DPYSL5: variants seen among roughly 807,000 people sequenced by gnomAD.
The protein encoded by DPYSL5 is dihydropyrimidinase-related protein 5.
DPYSL5 carries 9 observed loss-of-function variants against 58.4 expected under a neutral mutation model. That is an observed-to-expected ratio of 0.15 (90% CI 0.09 to 0.27). The LOEUF is 0.27. Ranked by LOEUF, DPYSL5 falls within the 10% of genes least tolerant of loss-of-function variation. DPYSL5 has a pLI of 1.00. For missense variants in DPYSL5, 499 were observed against 770.6 expected (o/e 0.65, Z 4.17); for synonymous variants, 293 against 301.9 (o/e 0.97, Z 0.31).
intron 1 of DPYSL5, among the ~76,000 whole-genome samples, chr2:26,868,248 G>A (rs1474440700): frequency 4.6e-5 from 7 of 151,980 alleles, no homozygotes; most frequent in Non-Finnish European, 8.8e-5. Context: ...TGTCATATGC[G>A]CTGCACATGT....
At chr2:26,943,076 A>T (rs1268052883) in intron 11 of DPYSL5, among the ~76,000 whole-genome samples, 3 of 152,082 alleles carry the variant, frequency 2.0e-5, no homozygotes, top group South Asian at 2.1e-4. Flanking sequence ...GGGGTGGAGG[A>T]GGTGCTGGGG....
At chr2:26,851,407 T>C (rs1249154023) in intron 1 of DPYSL5, among the ~76,000 whole-genome samples, 2 of 63,454 alleles carry the variant, frequency 3.2e-5, no homozygotes, top group Non-Finnish European at 6.1e-5. Context: ...TGCATTATTC[T>C]TAATGCTTCT....
intron 1 of DPYSL5, among the ~76,000 whole-genome samples, chr2:26,858,909 C>T (rs1665946488): frequency 6.6e-6 from 1 of 152,070 alleles, no homozygotes; most frequent in Admixed American, 6.6e-5. Context: ...ATCTAATACT[C>T]CAATATTTAA....
At chr2:26,923,270 G>A (rs1664747911) in intron 2 of DPYSL5, among the ~76,000 whole-genome samples, 1 of 152,204 alleles carries the variant, frequency 6.6e-6, no homozygotes, top group Admixed American at 6.5e-5. Flanking sequence ...GTTTGAGGCT[G>A]CAGTGTGCTA....
intron 2 of DPYSL5, among the ~76,000 whole-genome samples, chr2:26,907,887 A>G (rs1478988946): frequency 6.6e-6 from 1 of 152,212 alleles, no homozygotes. Context: ...GTGACTAGCC[A>G]CAGAGCCCGC....
At chr2:26,882,135 C>T (rs1663584689) in intron 1 of DPYSL5, among the ~76,000 whole-genome samples, 1 of 150,596 alleles carries the variant, frequency 6.6e-6, no homozygotes, top group Non-Finnish European at 1.5e-5. Flanking sequence ...ATTGGTTTGT[C>T]CCAGACAAGG....
In DPYSL5 at chr2:26,877,102, G is replaced by A. The variant is rs541913665; in HGVS notation, c.-4-21394G>A. Among the ~76,000 whole-genome samples, 1 of 151,516 alleles carries A rather than the reference G, an allele frequency of 6.6e-6. No homozygotes were observed. The highest frequency in any genetic ancestry group is 2.4e-5 in the African/African-American group (1 of 41,206). ...TTGCCTCAGCCTCCCGAGTAGCTGG[G>A]ATTATAGGCGCCTGCCACCAAGCCC... On this transcript the variant is annotated intron_variant, in intron 1 of 12. Coordinates refer to ENST00000288699, the MANE Select transcript of DPYSL5 (RefSeq NM_020134.4). The surrounding 1 kb of genome is among the most constrained non-coding windows in gnomAD (Gnocchi z 4.1).
At chr2:26,857,353 A>G (rs1279071431) in intron 1 of DPYSL5, among the ~76,000 whole-genome samples, 1 of 152,136 alleles carries the variant, frequency 6.6e-6, no homozygotes, top group Non-Finnish European at 1.5e-5. Context: ...CCTGGCCAAC[A>G]TATAGCGAAA....
chr2:26,865,062 G>A (rs935285323), intron 1 of DPYSL5, among the ~76,000 whole-genome samples: 11 of 152,298 alleles, frequency 7.2e-5, no homozygotes, highest in African/African-American at 2.6e-4. Flanking sequence ...ATACAATGAT[G>A]AGTTTTGAAA....
intron 2 of DPYSL5, among the ~76,000 whole-genome samples, chr2:26,922,987 G>T (rs1558346565): frequency 6.6e-6 from 1 of 152,192 alleles, no homozygotes. Flanking sequence ...CTGCGTCATG[G>T]AACATCAAGG....
intron 2 of DPYSL5, among the ~76,000 whole-genome samples, chr2:26,911,079 G>GTTTTTTTTTTTTTTTTTTT (rs57441106): frequency 1.0e-5 from 1 of 100,416 alleles, no homozygotes; most frequent in African/African-American, 3.9e-5. Context: ...TCTATGTTCA[G>GTTTTTTTTTTTTTTTTTTT]TTTTTTTTTT....
At chr2:26,931,203 G>GTATGTATATA (rs1553320893) in intron 5 of DPYSL5, among the ~76,000 whole-genome samples, 2 of 44,910 alleles carry the variant, frequency 4.5e-5, no homozygotes, top group African/African-American at 1.6e-4. Flanking sequence ...GTGTGTGTGT[G>GTATGTATATA]TATATATATA....
In DPYSL5 at chr2:26,942,146, A is replaced by G; in HGVS notation, c.1232+54A>G. ...AGAGGGGCTTGGGATTTTGAAGAAG[A>G]CTTGCATTACAGATCTCCAAAAGCA... On this transcript the variant is annotated intron_variant, in intron 10 of 12. Coordinates refer to ENST00000288699, the MANE Select transcript of DPYSL5 (RefSeq NM_020134.4). The surrounding 1 kb of genome is among the most constrained non-coding windows in gnomAD (Gnocchi z 5.9). 6.2e-7 allele frequency: 1 copy of G among 1,606,040 alleles called. No individual in the cohort carries two copies. Among genetic ancestry groups the G allele is most frequent in the Non-Finnish European group, 8.5e-7 (1 of 1,175,946 alleles).
intron 1 of DPYSL5, among the ~76,000 whole-genome samples, chr2:26,882,329 C>T (rs975875731): frequency 3.0e-4 from 46 of 151,864 alleles, no homozygotes; most frequent in African/African-American, 1.1e-3. Flanking sequence ...CACTGCAGTC[C>T]CGACCTCCTT....
At chr2:26,871,184 A>G (rs1663254792) in intron 1 of DPYSL5, among the ~76,000 whole-genome samples, 1 of 152,072 alleles carries the variant, frequency 6.6e-6, no homozygotes, top group South Asian at 2.1e-4. Flanking sequence ...TGGCCCCCAG[A>G]GCTTAACCTA....
At chr2:26,909,216 T>A (rs142093015) in intron 2 of DPYSL5, among the ~76,000 whole-genome samples, 1 of 152,308 alleles carries the variant, frequency 6.6e-6, no homozygotes, top group East Asian at 1.9e-4. Flanking sequence ...TATAAGGATC[T>A]TTAATTAGTA....
chr2:26,932,639 C>A (rs994543154), intron 6 of DPYSL5, among the ~76,000 whole-genome samples: 2 of 152,188 alleles, frequency 1.3e-5, no homozygotes, highest in African/African-American at 4.8e-5. Flanking sequence ...AAGTCAGTTC[C>A]TTGCCTTTTA....
rs1247327654 is a variant in DPYSL5 at position 26,877,018 on chromosome 2, G to A, written c.-4-21478G>A. ...GTCTCGCTCTTGTCCCCTGGCTGGA[G>A]TGCAATGGCGTGATCTTGGCTCCCT... is the stretch of plus-strand genomic sequence containing the variant. On this transcript the variant is annotated intron_variant, in intron 1 of 12. Transcript: ENST00000288699. This position sits in a 1 kb window ranked among gnomAD's most constrained non-coding sequence, Gnocchi z 4.1. Among the ~76,000 whole-genome samples, 1 of 144,902 alleles carries A rather than the reference G, an allele frequency of 6.9e-6. No individual in the cohort carries two copies. The highest frequency in any genetic ancestry group is 2.6e-5 in the African/African-American group (1 of 38,818).
chr2:26,921,476 T>G (rs144196686), intron 2 of DPYSL5, among the ~76,000 whole-genome samples: 1 of 152,202 alleles, frequency 6.6e-6, no homozygotes, highest in Non-Finnish European at 1.5e-5. Flanking sequence ...GGGAACACAA[T>G]TGGGCTGTGC....
Sources: allele counts gnomAD v4.1 joint callset (sites outside exome capture counted in the v4.1 genomes callset), GRCh38; gene constraint gnomAD v4.1.1; non-coding constraint Gnocchi (gnomAD v3.1); transcripts MANE v1.5; gene names NCBI Gene and HGNC (gene_info 2026-07-23, HGNC 2026-07-21).